Variants in GPM6A observed in about 807,000 individuals in gnomAD.
GPM6A encodes glycoprotein M6A, also known as neuronal membrane glycoprotein M6-a.
Under a neutral mutation model 32.1 loss-of-function variants are expected in GPM6A, and 7 were observed. The observed-to-expected ratio is 0.22, with a 90% CI of 0.12 to 0.41. The LOEUF (loss-of-function observed/expected upper bound fraction) is 0.41, where lower values mean the gene tolerates loss of function less well. Among genes scored for constraint, GPM6A ranks in the 10% least tolerant of loss-of-function variants. The probability of loss-of-function intolerance (pLI) is 1.00; values close to 1 mark genes in which losing one functional copy is unlikely to be tolerated. For synonymous variants in GPM6A, 130 were observed against 123.4 expected, an observed-to-expected ratio of 1.05 and a Z score of -0.35; for missense variants, 235 against 347.2, an observed-to-expected ratio of 0.68 and a Z score of 2.57.
chr4:175,821,550 T>C lies in GPM6A; in HGVS notation c.-22-9301A>G, dbSNP rs148221027. Among the ~76,000 whole-genome samples, 1,043 of 152,212 alleles carry C rather than the reference T, an allele frequency of 6.9e-3. 9 individuals are homozygous for C. The highest frequency in any genetic ancestry group is 0.023 in the African/African-American group (943 of 41,580). ...ACTTCATAGATTAATGAGACATAAT[T>C]AACATTTTTACAAAATTGAATCTCT... On this transcript the variant is annotated intron_variant, in intron 1 of 7. Coordinates refer to the GPM6A transcript ENST00000280187.
chr4:175,779,462 T>C (rs1457280126), intron 1 of GPM6A, among the ~76,000 whole-genome samples: 1 of 152,180 alleles, frequency 6.6e-6, no homozygotes, highest in Non-Finnish European at 1.5e-5. Flanking sequence ...GTGTAATGAA[T>C]AGCATTCATG....
intron 2 of GPM6A, among the ~76,000 whole-genome samples, chr4:175,676,859 CTTAA>C (rs2110994287): frequency 6.6e-6 from 1 of 152,264 alleles, no homozygotes; most frequent in Non-Finnish European, 1.5e-5. Flanking sequence ...TCAAAAGCCT[CTTAA>C]TTCTTAGCTA....
At chr4:175,976,206 C>CTGGA (rs1376096402) in intron 1 of GPM6A, among the ~76,000 whole-genome samples, 1 of 148,406 alleles carries the variant, frequency 6.7e-6, no homozygotes, top group Non-Finnish European at 1.5e-5. Flanking sequence ...GTCGCCCAGG[C>CTGGA]TGGAGTGCAG....
At chr4:175,938,294 G>A (rs774246241) in intron 1 of GPM6A, among the ~76,000 whole-genome samples, 9 of 152,124 alleles carry the variant, frequency 5.9e-5, no homozygotes, top group Non-Finnish European at 1.2e-4. Context: ...GAGTCAAATG[G>A]TATTTCTGGT....
intron 2 of GPM6A, among the ~76,000 whole-genome samples, chr4:175,687,795 G>A (rs1744070776): frequency 6.6e-6 from 1 of 152,284 alleles, no homozygotes; most frequent in Admixed American, 6.5e-5. Context: ...CTTAGCATCA[G>A]TGAACACTAG....
At position 175,637,274 on chromosome 4, in the gene GPM6A, TTATATATTATATAA is replaced by T. The variant is rs1316085629; in HGVS notation, c.685-2231_685-2218del. Among the ~76,000 whole-genome samples the T allele has an allele frequency of 2.6e-4, 18 of 69,638 alleles. 1 individual carries two copies. The highest frequency in any genetic ancestry group is 1.4e-3 in the Admixed American group (5 of 3,558). The allele number at this position is 69,638 out of a possible 152,430, so 45.7% of individuals were successfully genotyped here. A position where few individuals can be genotyped will look rare whatever the true frequency, so the allele number is the denominator to read the frequency against. On this transcript the variant is annotated intron_variant, in intron 6 of 6. Coordinates refer to ENST00000393658, the MANE Select transcript of GPM6A (RefSeq NM_201591.3). ...TATAATATAAAATATATATTATATA[TTATATATTATATAA>T]AATATATATTATATATTATATATAA...
intron 1 of GPM6A, among the ~76,000 whole-genome samples, chr4:175,888,299 C>T (rs1054366067): frequency 1.3e-5 from 2 of 151,866 alleles, no homozygotes; most frequent in Non-Finnish European, 2.9e-5. Flanking sequence ...TACCAGAAAT[C>T]GATTAAAATT....
intron 1 of GPM6A, among the ~76,000 whole-genome samples, chr4:175,907,718 A>C (rs61049231): frequency 0.044 from 6,690 of 152,162 alleles, 393 homozygotes; most frequent in East Asian, 0.25. Context: ...CAGGCTTGCT[A>C]TGTTTCTTCT....
chr4:175,936,933 A>T (rs1391314963), intron 1 of GPM6A, among the ~76,000 whole-genome samples: 1 of 152,140 alleles, frequency 6.6e-6, no homozygotes, highest in African/African-American at 2.4e-5. Context: ...ATATGTGAAA[A>T]TTTTTCCTTC....
At chr4:175,785,073 A>G (rs763258921) in intron 1 of GPM6A, among the ~76,000 whole-genome samples, 3 of 152,184 alleles carry the variant, frequency 2.0e-5, no homozygotes, top group Non-Finnish European at 4.4e-5. Flanking sequence ...TTGCAAGTAC[A>G]ATGTAACAGA....
chr4:175,731,994 T>C (rs1240990490), intron 1 of GPM6A, among the ~76,000 whole-genome samples: 1 of 131,516 alleles, frequency 7.6e-6, no homozygotes, highest in East Asian at 2.2e-4. Flanking sequence ...CGTGACAGAG[T>C]GTTGCTCTGT....
At chr4:175,722,859 C>T (rs1746213968) in intron 1 of GPM6A, among the ~76,000 whole-genome samples, 1 of 148,228 alleles carries the variant, frequency 6.7e-6, no homozygotes, top group Non-Finnish European at 1.5e-5. Context: ...GTCTGGCCAA[C>T]ATGGCAAAAC....
At chr4:175,909,866 CATCAAAAT>C (rs1334178830) in intron 1 of GPM6A, among the ~76,000 whole-genome samples, 2 of 152,002 alleles carry the variant, frequency 1.3e-5, no homozygotes, top group African/African-American at 4.8e-5. Context: ...GTGAGAATGA[CATCAAAAT>C]ATAAATTAAA....
intron 1 of GPM6A, among the ~76,000 whole-genome samples, chr4:175,879,641 C>T (rs1035495444): frequency 2.6e-5 from 4 of 152,116 alleles, no homozygotes; most frequent in South Asian, 2.1e-4. Context: ...AGGATTATTA[C>T]AATTCAAGGT....
chr4:175,911,142 C>A (rs1738302066), intron 1 of GPM6A, among the ~76,000 whole-genome samples: 2 of 152,114 alleles, frequency 1.3e-5, no homozygotes, highest in South Asian at 4.1e-4. Flanking sequence ...TCTTAGACAC[C>A]AGTCTATCCA....
chr4:175,752,207 T>A (rs1203735774), intron 1 of GPM6A, among the ~76,000 whole-genome samples: 1 of 152,190 alleles, frequency 6.6e-6, no homozygotes, highest in Admixed American at 6.6e-5. Flanking sequence ...ATTTCTTGCA[T>A]AGAGTGTTGC....
chr4:175,997,552 G>A (rs551936840), intron 1 of GPM6A, among the ~76,000 whole-genome samples: 51 of 151,836 alleles, frequency 3.4e-4, no homozygotes, highest in African/African-American at 1.2e-3. Flanking sequence ...AACAAATGAG[G>A]AAACAGGATC....
intron 1 of GPM6A, among the ~76,000 whole-genome samples, chr4:175,722,384 C>G (rs1055837706): frequency 4.6e-5 from 7 of 152,040 alleles, no homozygotes; most frequent in African/African-American, 1.7e-4. Context: ...GTTCCAGCCT[C>G]TTTCAACTTT....
At chr4:176,002,031 G>T (rs1338234605) in intron 1 of GPM6A, among the ~76,000 whole-genome samples, 2 of 152,176 alleles carry the variant, frequency 1.3e-5, no homozygotes, top group Non-Finnish European at 2.9e-5. Flanking sequence ...GGCCGGCGCA[G>T]AGGATCAGCG....
Sources: allele counts gnomAD v4.1 joint callset (sites outside exome capture counted in the v4.1 genomes callset), GRCh38; gene constraint gnomAD v4.1.1; transcripts MANE v1.5; gene names NCBI Gene and HGNC (gene_info 2026-07-23, HGNC 2026-07-21).